COL1A1: variants seen among roughly 807,000 people sequenced by gnomAD.
COL1A1 encodes collagen alpha-1(I) chain.
COL1A1 carries 21 observed loss-of-function variants against 195.7 expected under a neutral mutation model. The ratio of observed to expected loss-of-function variants is 0.11; its 90% CI spans 0.08 to 0.15. The LOEUF (loss-of-function observed/expected upper bound fraction) is 0.15. COL1A1 is among the 10% of genes least tolerant of loss of function. The pLI, the probability that COL1A1 is intolerant of heterozygous loss-of-function variation, is 1.00. For missense variants in COL1A1, 1,365 were observed against 2,051.0 expected (o/e 0.67, Z 6.46); for synonymous variants, 749 against 747.3 (o/e 1.00, Z -0.04).
At position 50,186,072 on chromosome 17, in the gene COL1A1, G is replaced by C; in HGVS notation, c.4006-52C>G. 1 of 1,604,066 alleles carries C rather than the reference G, an allele frequency of 6.2e-7. No individual in the cohort carries two copies. The highest frequency in any genetic ancestry group is 1.1e-5 in the South Asian group (1 of 90,850). On this transcript the variant is annotated intron_variant, in intron 49 of 50. Coordinates refer to ENST00000225964, the MANE Select transcript of COL1A1 (RefSeq NM_000088.4). This position sits in a 1 kb window ranked among gnomAD's most constrained non-coding sequence, Gnocchi z 5.3. ...GTGAGCCGCTATGCGGGAACCTCTA[G>C]TCCTGCCTGGCCTCCCTGTCCAGGG... is the stretch of plus-strand genomic sequence containing the variant.
chr17:50,196,089 G>T, intron 15 of COL1A1, 66 bp downstream of exon 15: 1 of 1,610,628 alleles, frequency 6.2e-7, no homozygotes. Flanking sequence ...CCCATTGTCA[G>T]CCCCAAGAGC....
At chr17:50,196,906 G>A in intron 11 of COL1A1, 104 bp downstream of exon 11, 1 of 1,355,048 alleles carries the variant, frequency 7.4e-7, no homozygotes, top group Middle Eastern at 2.3e-4. Flanking sequence ...TTCTGTAGCT[G>A]CCACCCACCA....
At position 50,189,555 on chromosome 17, in the gene COL1A1, G is replaced by A; in HGVS notation, c.2668-17C>T. 1.2e-6 allele frequency: 2 copies of A among 1,613,068 alleles called. No homozygotes were observed. The highest frequency in any genetic ancestry group is 1.7e-6 in the Non-Finnish European group (2 of 1,179,748). ...AGCATTTCCCTGGATGAGGATAGGA[G>A]GGGCTGTCAGACTCCAGGGGGCTCT... On this transcript the variant is annotated splice_polypyrimidine_tract_variant and intron_variant, in intron 38 of 50. Transcript: ENST00000225964. This position sits in a 1 kb window ranked among gnomAD's most constrained non-coding sequence, Gnocchi z 5.5.
chr17:50,197,114 G>C (rs757734725), intron 10 of COL1A1, 51 bp from the exon 11 acceptor site: 2 of 1,613,742 alleles, frequency 1.2e-6, no homozygotes, highest in Non-Finnish European at 1.7e-6. Context: ...ACATCACTGT[G>C]GACCCAGCTC....
At chr17:50,201,302 A>G in intron 1 of COL1A1, 109 bp downstream of exon 1, 2 of 1,023,994 alleles carry the variant, frequency 2.0e-6, no homozygotes, top group Non-Finnish European at 3.0e-6. Flanking sequence ...TCTCCCTTCC[A>G]TTCCCGAGTC....
chr17:50,196,445 C>A (rs765235965), intron 13 of COL1A1, 39 bp downstream of exon 13: 3 of 1,614,040 alleles, frequency 1.9e-6, no homozygotes, highest in Non-Finnish European at 2.5e-6. Context: ...GCCCCTGCCT[C>A]CTGCCCCATC....
Position 50,186,634 on chromosome 17 carries a change from C to T in COL1A1, c.3814+6G>A. The T allele has an allele frequency of 6.2e-7, 1 of 1,613,398 alleles. No homozygotes were observed. Among genetic ancestry groups the T allele is most frequent in the Non-Finnish European group, 8.5e-7 (1 of 1,179,992 alleles). ...GAGGGAGGGAGAGGCTAGGGCAGGCCCTCACCACTCTTCCAGTCAGAGTGG... is the reference window on the plus strand; with the variant it reads ...GAGGGAGGGAGAGGCTAGGGCAGGCTCTCACCACTCTTCCAGTCAGAGTGG... On this transcript the variant is annotated splice_donor_region_variant and intron_variant, in intron 48 of 50. Transcript: ENST00000225964. This position sits in a 1 kb window ranked among gnomAD's most constrained non-coding sequence, Gnocchi z 5.3.
At chr17:50,198,065 C>T in intron 7 of COL1A1, 63 bp from the exon 8 acceptor site, 1 of 1,605,670 alleles carries the variant, frequency 6.2e-7, no homozygotes, top group Non-Finnish European at 8.5e-7. Flanking sequence ...CCAATCTTAC[C>T]AAGAGATCTC....
chr17:50,196,567 G>A (rs1221597354), intron 12 of COL1A1, 39 bp from the exon 13 acceptor site: 4 of 1,613,910 alleles, frequency 2.5e-6, no homozygotes, highest in Non-Finnish European at 3.4e-6. Flanking sequence ...ATTCATTCAT[G>A]GTGGGACTCT....
rs1156916137 is a variant in COL1A1 at position 50,184,460 on chromosome 17, A to G, written c.*1042T>C. On this transcript the variant is annotated 3_prime_UTR_variant, in exon 51 of 51. Coordinates refer to ENST00000225964, the MANE Select transcript of COL1A1 (RefSeq NM_000088.4). ...TTAAATAGCACCTTTAGAAAAATTC[A>G]CAAGTCCCCATCCACAAAAAAAAAA... The G allele has an allele frequency of 1.3e-5, 3 of 225,138 alleles. No individual in the cohort carries two copies. Among genetic ancestry groups the G allele is most frequent in the African/African-American group, 6.9e-5 (3 of 43,252 alleles). 13.9% of individuals were successfully genotyped at this position (225,138 alleles called of 1,614,324 possible).
At chr17:50,191,522 C>G in intron 31 of COL1A1, 32 bp from the exon 32 acceptor site, 1 of 1,606,000 alleles carries the variant, frequency 6.2e-7, no homozygotes, top group Non-Finnish European at 8.5e-7. Flanking sequence ...TGGAGTGAGG[C>G]CTGGGGCCCC....
At position 50,190,754 on chromosome 17, in the gene COL1A1, C is replaced by T. The variant is rs1418539358; in HGVS notation, c.2343+63G>A. The T allele has an allele frequency of 1.2e-5, 19 of 1,533,164 alleles. No individual in the cohort carries two copies. Among genetic ancestry groups the T allele is most frequent in the African/African-American group, 1.2e-4 (9 of 73,348 alleles). 95.0% of individuals were successfully genotyped at this position (1,533,164 alleles called of 1,614,324 possible). On this transcript the variant is annotated intron_variant, in intron 33 of 50. Coordinates refer to ENST00000225964, the MANE Select transcript of COL1A1 (RefSeq NM_000088.4). This position sits in a 1 kb window ranked among gnomAD's most constrained non-coding sequence, Gnocchi z 4.7. ...CTCTCCCAACGCAACCCCACGGAAC[C>T]GTGCCCAGGCCTGCTGAGGAGGCTA... is the stretch of plus-strand genomic sequence containing the variant.
rs747163212 is a variant in COL1A1 at position 50,199,764 on chromosome 17, G to A, written c.287C>T (p.Pro96Leu). ...GAGCGCAGCCGCACCTGAGCCGTCG[G>A]GGCAGACGGGACAGCACTCGCCCTC... Reference protein sequence around the residue: ...VPEGECCPVCPDGSESPTDQE... With the variant: ...VPEGECCPVCLDGSESPTDQE... Residue 96 changes from proline (P) to leucine (L), a missense_variant, in exon 2 of 51, where the codon CCC becomes CTC. Physicochemically the swap from Pro to Leu is moderately conservative, Grantham distance 98 (BLOSUM62 -3). This residue lies in a region of COL1A1 where 194 missense variants were observed against 221.7 expected (regional missense o/e 0.88). Transcript: ENST00000225964. The A allele has an allele frequency of 5.0e-6, 8 of 1,612,448 alleles. No homozygotes were observed. Among genetic ancestry groups the A allele is most frequent in the African/African-American group, 1.3e-5 (1 of 74,864 alleles).
chr17:50,194,497 T>G lies in COL1A1; in HGVS notation c.1516-50A>C. 6.2e-7 allele frequency: 1 copy of G among 1,613,242 alleles called. No homozygotes were observed. ...AGTTAGGGTCTCAAGTTTGTGGCTCTTTGCCACGGGCCAAAAGAGGAAGAA... is the reference window on the plus strand; with the variant it reads ...AGTTAGGGTCTCAAGTTTGTGGCTCGTTGCCACGGGCCAAAAGAGGAAGAA... On this transcript the variant is annotated intron_variant, in intron 22 of 50. Coordinates refer to ENST00000225964, the MANE Select transcript of COL1A1 (RefSeq NM_000088.4). This position sits in a 1 kb window ranked among gnomAD's most constrained non-coding sequence, Gnocchi z 6.8.
rs1303365724 is a variant in COL1A1, at chr17:50,190,410, T to TGC, written c.2398-32_2398-31dup. 2.5e-6 allele frequency: 4 copies of TGC among 1,603,900 alleles called. No individual in the cohort carries two copies. The highest frequency in any genetic ancestry group is 2.7e-5 in the African/African-American group (2 of 74,154). On this transcript the variant is annotated intron_variant, in intron 34 of 50. Coordinates refer to ENST00000225964, the MANE Select transcript of COL1A1 (RefSeq NM_000088.4). The surrounding 1 kb of genome is among the most constrained non-coding windows in gnomAD (Gnocchi z 4.7). ...AAGAAAAGGAGTCAGATTGGAGAGATGCGCTGACAGGAGGGAAGGCGGGGA... is the reference window on the plus strand; with the variant it reads ...AAGAAAAGGAGTCAGATTGGAGAGATGCGCGCTGACAGGAGGGAAGGCGGGGA...
rs2586490 is a variant in COL1A1 at position 50,192,065 on chromosome 17, C to T, written c.1984-41G>A. ...AGAGGAACAGACAGTGAGCAAAACC[C>T]ACCTGGGGCCACTCTGCTGGAAAGC... On this transcript the variant is annotated intron_variant, in intron 29 of 50. Transcript: ENST00000225964. The T allele has an allele frequency of 0.68, 1,095,341 of 1,599,810 alleles. 376,435 individuals are homozygous for T. The highest frequency in any genetic ancestry group is 0.73 in the African/African-American group (54,514 of 74,758).
At position 50,185,612 on chromosome 17, in the gene COL1A1, A is replaced by G. The variant is rs1906431660; in HGVS notation, c.4285T>C (p.Tyr1429His). The G allele has an allele frequency of 6.2e-7, 1 of 1,613,950 alleles. No homozygotes were observed. The highest frequency in any genetic ancestry group is 2.2e-5 in the East Asian group (1 of 44,872). Residue 1429 changes from tyrosine (Y) to histidine (H), a missense_variant, in exon 51 of 51, where the codon TAC (tyrosine) becomes CAC (histidine). Tyr to His is a moderately conservative substitution (Grantham distance 83, BLOSUM62 2). Around this residue, in one of 5 missense-constraint regions of COL1A1, gnomAD observed 273 missense variants for 338.6 expected, o/e 0.81. Coordinates refer to ENST00000225964, the MANE Select transcript of COL1A1 (RefSeq NM_000088.4). ...TGAWGKTVIE[Y>H]KTTKTSRLPI... ...AGGCGGGAGGTCTTGGTGGTTTTGTATTCAATCACTGTCTTGCCCCAGGCT... is the reference window on the plus strand; with the variant it reads ...AGGCGGGAGGTCTTGGTGGTTTTGTGTTCAATCACTGTCTTGCCCCAGGCT...
intron 46 of COL1A1, among the ~76,000 whole-genome samples, 168 bp downstream of exon 46, chr17:50,187,316 G>A (rs889316496): frequency 6.6e-6 from 1 of 152,230 alleles, no homozygotes; most frequent in African/African-American, 2.4e-5. Flanking sequence ...GGAGCAGAGA[G>A]GCCAAAGCTA....
At chr17:50,196,001 C>T (rs767935978) in intron 15 of COL1A1, 25 bp from the exon 16 acceptor site, 13 of 1,597,080 alleles carry the variant, frequency 8.1e-6, no homozygotes, top group Middle Eastern at 1.7e-4. Context: ...GAGATGTCAG[C>T]GAGAAGGAAG....
Sources: gnomAD v4.1 joint callset for allele counts (sites outside exome capture counted in the v4.1 genomes callset) on GRCh38, gnomAD v4.1.1 for gene constraint, gnomAD v4.1.1 regional missense constraint, Gnocchi (gnomAD v3.1) non-coding constraint, MANE v1.5 for transcripts, NCBI Gene and HGNC (gene_info 2026-07-23, HGNC 2026-07-21) for gene names.